Variants in DBF4B observed in about 807,000 individuals in gnomAD.
The protein encoded by DBF4B is DBF4B-CDC7 kinase regulatory subunit.
In DBF4B, 49 loss-of-function variants were observed where a neutral mutation model predicts 53.4. That is an observed-to-expected ratio of 0.92 (90% CI 0.73 to 1.16). DBF4B has a LOEUF of 1.16. Ranked by LOEUF, DBF4B falls within the 50% of genes most tolerant of loss-of-function variation. The pLI is 0.00. For synonymous variants in DBF4B, 257 were observed against 288.7 expected (o/e 0.89, Z 1.11); for missense variants, 692 against 775.0 (o/e 0.89, Z 1.27).
At chr17:44,716,158 G>A (rs1226866776) in intron 2 of DBF4B, among the ~76,000 whole-genome samples, 2 of 152,028 alleles carry the variant, frequency 1.3e-5, no homozygotes, top group Admixed American at 1.3e-4. Flanking sequence ...TCCTTTAAAT[G>A]TCTGATGATC....
At chr17:44,727,101 A>G (rs1000273989) in intron 3 of DBF4B, among the ~76,000 whole-genome samples, 83 of 57,388 alleles carry the variant, frequency 1.4e-3, no homozygotes, top group South Asian at 2.1e-3. Flanking sequence ...TCCATCTCAA[A>G]AAAAAAAAAA....
intron 3 of DBF4B, 51 bp from the exon 4 acceptor site, chr17:44,729,854 A>G (rs1282676070): frequency 1.3e-6 from 2 of 1,589,612 alleles, no homozygotes; most frequent in Non-Finnish European, 1.7e-6. Flanking sequence ...TTATATTGAC[A>G]ATTCTGCATT....
At chr17:44,713,255 A>G (rs564592158) in intron 2 of DBF4B, among the ~76,000 whole-genome samples, 223 of 149,568 alleles carry the variant, frequency 1.5e-3, no homozygotes, top group African/African-American at 5.0e-3. Context: ...GTTAGCCTGT[A>G]TGGTCTTCAT....
chr17:44,731,854 G>A (rs1974869401), intron 5 of DBF4B: 1 of 281,138 alleles, frequency 3.6e-6, no homozygotes, highest in East Asian at 8.1e-5. Flanking sequence ...TGTACTTACT[G>A]TGCTGAGAGC....
At chr17:44,732,321 G>A (rs1568181259) in intron 6 of DBF4B, 56 bp downstream of exon 6, 1 of 1,581,096 alleles carries the variant, frequency 6.3e-7, no homozygotes, top group Admixed American at 1.7e-5. Flanking sequence ...TTGACCAGGA[G>A]TGTCAGCTTT....
chr17:44,734,400 C>G (rs926786938), intron 7 of DBF4B, among the ~76,000 whole-genome samples: 7 of 152,298 alleles, frequency 4.6e-5, no homozygotes, highest in African/African-American at 1.7e-4. Context: ...CTGAGACATC[C>G]CTATGGCCTG....
rs1440584897 is a variant in DBF4B, at chr17:44,739,558, T to C, written c.713+1134T>C. Among the ~76,000 whole-genome samples, 3 of 152,244 alleles carry C rather than the reference T, an allele frequency of 2.0e-5. No homozygotes were observed. In the East Asian group the frequency reaches 5.8e-4, roughly 29 times the overall value. ...CAGAGGTGCTGTCTTCCAGTTCCAGTGGGATGGATTGCGTGTTCATCCCCA... is the reference window on the plus strand; with the variant it reads ...CAGAGGTGCTGTCTTCCAGTTCCAGCGGGATGGATTGCGTGTTCATCCCCA... On this transcript the variant is annotated intron_variant, in intron 9 of 13. Transcript: ENST00000315005.
At chr17:44,730,205 C>G (rs1974715048) in intron 4 of DBF4B, 109 bp downstream of exon 4, 1 of 1,217,416 alleles carries the variant, frequency 8.2e-7, no homozygotes, top group South Asian at 1.6e-5. Flanking sequence ...AATTTAATCT[C>G]TCATTTGAAT....
chr17:44,734,801 C>T (rs1377008353), intron 7 of DBF4B, among the ~76,000 whole-genome samples: 4 of 152,182 alleles, frequency 2.6e-5, no homozygotes, highest in Non-Finnish European at 4.4e-5. Context: ...ACTAGCAAGC[C>T]ACATCCAAAG....
intron 6 of DBF4B, 71 bp from the exon 7 acceptor site, chr17:44,734,019 C>T: frequency 1.5e-6 from 2 of 1,347,492 alleles, no homozygotes; most frequent in South Asian, 2.3e-5. Flanking sequence ...AGTCCTGCAG[C>T]CCAGGAAGGG....
intron 3 of DBF4B, among the ~76,000 whole-genome samples, chr17:44,728,819 A>C (rs1568176325): frequency 6.6e-6 from 1 of 152,018 alleles, no homozygotes; most frequent in Non-Finnish European, 1.5e-5. Flanking sequence ...AGATGTGATC[A>C]GACACGGTGG....
At position 44,748,342 on chromosome 17, in the gene DBF4B, T is replaced by C. The variant is rs911665540; in HGVS notation, c.1066T>C (p.Trp356Arg). 9 of 1,592,996 alleles carry C rather than the reference T, an allele frequency of 5.6e-6. No homozygotes were observed. Among genetic ancestry groups the C allele is most frequent in the Non-Finnish European group, 7.7e-6 (9 of 1,169,438 alleles). The stretch of plus-strand genomic sequence containing the variant: ...CTCACAGTGTTTCTGTCCCAACAGG[T>C]GGTCAGGTTCCCCAGCTTCTGATTG... ...DIPFQAGLPR[W>R]SGSPASDCDP... is the part of the protein sequence containing the mutation. Residue 356 changes from tryptophan to arginine, a missense_variant and splice_region_variant, in exon 13 of 14, where the codon TGG (tryptophan) becomes CGG (arginine). By Grantham distance (101) the Trp-to-Arg change is moderately radical. Coordinates refer to ENST00000315005, the MANE Select transcript of DBF4B (RefSeq NM_145663.3).
rs560890103 is a variant in DBF4B, at chr17:44,737,426, G to A, written c.667+560G>A. Among the ~76,000 whole-genome samples, 3 of 152,306 alleles carry A rather than the reference G, an allele frequency of 2.0e-5. No homozygotes were observed. In the South Asian group the frequency reaches 6.2e-4, roughly 32 times the overall value. On this transcript the variant is annotated intron_variant, in intron 8 of 13. Transcript: ENST00000315005. Reference sequence around the variant, plus strand: ...TCATGCTCAAAATTCAAGGAAGTCTGTAGGGGAATTGATTTTAATAACTGT... The same window carrying A: ...TCATGCTCAAAATTCAAGGAAGTCTATAGGGGAATTGATTTTAATAACTGT...
At chr17:44,725,271 C>G (rs889828354) in intron 3 of DBF4B, among the ~76,000 whole-genome samples, 2 of 152,210 alleles carry the variant, frequency 1.3e-5, no homozygotes, top group South Asian at 2.1e-4. Flanking sequence ...GCCTGGATGA[C>G]AGAGCAAGAC....
rs568453924 is a variant in DBF4B, at chr17:44,750,235, A to G, written c.1190-360A>G. ...ATCTGGAGACAGAAATGGGTTTGCTATCGATTCTCTGGCCACTTTTTCTTT... is the reference window on the plus strand; with the variant it reads ...ATCTGGAGACAGAAATGGGTTTGCTGTCGATTCTCTGGCCACTTTTTCTTT... On this transcript the variant is annotated intron_variant, in intron 13 of 13. Coordinates refer to ENST00000315005, the MANE Select transcript of DBF4B (RefSeq NM_145663.3). 127 of 1,024,004 alleles carry G rather than the reference A, an allele frequency of 1.2e-4. No individual in the cohort carries two copies. The African/African-American group carries it at 2.0e-3, about 16-fold the overall frequency. The allele number at this position is 1,024,004 out of a possible 1,614,324, so 63.4% of individuals were successfully genotyped here. A position where few individuals can be genotyped will look rare whatever the true frequency, so the allele number is the denominator to read the frequency against.
intron 3 of DBF4B, among the ~76,000 whole-genome samples, chr17:44,725,128 A>C (rs916312407): frequency 6.6e-6 from 1 of 151,600 alleles, no homozygotes; most frequent in African/African-American, 2.4e-5. Flanking sequence ...AAAAAAAAAA[A>C]AAAAAAAAAA....
chr17:44,739,593 C>A (rs1567667926), intron 9 of DBF4B, among the ~76,000 whole-genome samples: 1 of 152,242 alleles, frequency 6.6e-6, no homozygotes, highest in African/African-American at 2.4e-5. Flanking sequence ...AGCCCCTTCA[C>A]ACCTATTTAA....
In DBF4B at chr17:44,749,748, C is replaced by T. The variant is rs1418527388; in HGVS notation, c.1190-847C>T. The T allele has an allele frequency of 2.7e-6, 3 of 1,120,636 alleles. No individual in the cohort carries two copies. Among genetic ancestry groups the T allele is most frequent in the Non-Finnish European group, 3.3e-6 (3 of 905,846 alleles). 69.4% of individuals were successfully genotyped at this position (1,120,636 alleles called of 1,614,324 possible). ...GGCAGCAGGAGTCCTGGCCCGGCTT[C>T]CTGGCCCTCCACAGGCCCTTGCCTC... On this transcript the variant is annotated intron_variant, in intron 13 of 13. Transcript: ENST00000315005. The surrounding 1 kb of genome is among the most constrained non-coding windows in gnomAD (Gnocchi z 4.4).
intron 3 of DBF4B, among the ~76,000 whole-genome samples, chr17:44,724,728 T>C (rs1974143551): frequency 6.6e-6 from 1 of 152,122 alleles, no homozygotes. Context: ...ACCTGTGATC[T>C]CAACACTTTG....
Sources: allele counts gnomAD v4.1 joint callset (sites outside exome capture counted in the v4.1 genomes callset), GRCh38; gene constraint gnomAD v4.1.1; non-coding constraint Gnocchi (gnomAD v3.1); transcripts MANE v1.5; gene names NCBI Gene and HGNC (gene_info 2026-07-23, HGNC 2026-07-21).